Variants in CLPTM1L observed in about 807,000 individuals in gnomAD.
The protein encoded by CLPTM1L is CLPTM1 like.
A neutral mutation model predicts 70.9 loss-of-function variants in CLPTM1L; 38 were observed. The observed-to-expected ratio is 0.54, with a 90% confidence interval of 0.41 to 0.70. The LOEUF is 0.70. Among genes scored for constraint, CLPTM1L ranks in the 30% least tolerant of loss-of-function variants. CLPTM1L has a pLI of 0.00. For synonymous variants in CLPTM1L, 339 were observed against 299.9 expected, an observed-to-expected ratio of 1.13 and a Z score of -1.35; for missense variants, 652 against 705.9, an observed-to-expected ratio of 0.92 and a Z score of 0.87.
intron 7 of CLPTM1L, among the ~76,000 whole-genome samples, chr5:1,332,935 C>T (rs72491340): frequency 1.9e-4 from 27 of 142,778 alleles, no homozygotes; most frequent in Admixed American, 1.7e-3. Flanking sequence ...GGATAAGGGG[C>T]GGACTACTGT....
chr5:1,330,771 T>C, intron 8 of CLPTM1L: 1 of 186,158 alleles, frequency 5.4e-6, no homozygotes, highest in South Asian at 1.5e-4. Context: ...AGCTGTACCT[T>C]AAGAACCACT....
At chr5:1,334,430 C>G (rs1044405389) in intron 6 of CLPTM1L, 47 bp from the exon 7 acceptor site, 2 of 1,296,424 alleles carry the variant, frequency 1.5e-6, no homozygotes, top group Non-Finnish European at 2.2e-6. Context: ...CAATGTCAAT[C>G]TTACCTAACA....
intron 1 of CLPTM1L, 86 bp downstream of exon 1, chr5:1,344,594 G>A (rs1418918596): frequency 3.4e-6 from 5 of 1,487,914 alleles, no homozygotes; most frequent in Non-Finnish European, 4.6e-6. Context: ...CCACAGCTCC[G>A]AACTGGGACG....
chr5:1,323,351 C>T (rs898471945), intron 12 of CLPTM1L, among the ~76,000 whole-genome samples: 2 of 129,362 alleles, frequency 1.5e-5, no homozygotes, highest in Admixed American at 7.8e-5. Flanking sequence ...AGGCTGGGGG[C>T]TCCGGGATCC....
intron 7 of CLPTM1L, among the ~76,000 whole-genome samples, chr5:1,333,496 GGA>G: frequency 7.1e-6 from 1 of 140,718 alleles, no homozygotes; most frequent in East Asian, 2.1e-4. Flanking sequence ...CACCAGATGA[GGA>G]TAAGGGGGGA....
Position 1,341,716 on chromosome 5 carries a change from G to A in CLPTM1L, c.408C>T (p.Pro136=), listed in dbSNP as rs767222771. The A allele has an allele frequency of 6.2e-7, 1 of 1,613,596 alleles. No individual in the cohort carries two copies. The highest frequency in any genetic ancestry group is 8.5e-7 in the Non-Finnish European group (1 of 1,179,654). ...LVSPLTTYMV[P]KPEEINLLTG... is the part of the protein sequence containing the mutation. ...TGAGCAGGTTGATTTCTTCTGGCTT[G>A]GGGACCATGTAGGTGGTCAGAGGAC... Residue 136 remains proline, a synonymous_variant, in exon 3 of 17, where the codon CCC becomes CCT. Transcript: ENST00000320895.
At chr5:1,320,087 C>T (rs1283050673) in intron 16 of CLPTM1L, 1 of 152,326 alleles carries the variant, frequency 6.6e-6, no homozygotes, top group East Asian at 1.9e-4. Context: ...AAGCCTTTTC[C>T]TCAGCCGTCA....
At chr5:1,335,365 C>A (rs1261519409) in intron 5 of CLPTM1L, among the ~76,000 whole-genome samples, 191 bp from the exon 6 acceptor site, 1 of 152,200 alleles carries the variant, frequency 6.6e-6, no homozygotes, top group African/African-American at 2.4e-5. Flanking sequence ...GTGCTGCGTT[C>A]CAGCACAGGG....
At chr5:1,339,121 G>A (rs951140962) in intron 3 of CLPTM1L, 116 bp from the exon 4 acceptor site, 320 of 1,211,600 alleles carry the variant, frequency 2.6e-4, no homozygotes, top group Middle Eastern at 3.9e-4. Context: ...AACTGTGCCC[G>A]GGACAGCAGG....
At chr5:1,324,080 G>C in intron 11 of CLPTM1L, 1 of 571,382 alleles carries the variant, frequency 1.8e-6, no homozygotes, top group Non-Finnish European at 3.1e-6. Flanking sequence ...CCAGAGCCCG[G>C]GTGTAACTAC....
chr5:1,343,115 C>T (rs899243291), intron 2 of CLPTM1L, among the ~76,000 whole-genome samples: 2 of 151,930 alleles, frequency 1.3e-5, no homozygotes, highest in Middle Eastern at 3.2e-3. Flanking sequence ...CCCTTGAACC[C>T]GGGAACCGGA....
intron 8 of CLPTM1L, 154 bp downstream of exon 8, chr5:1,331,645 T>C (rs966438736): frequency 9.1e-6 from 6 of 660,890 alleles, no homozygotes; most frequent in Non-Finnish European, 1.6e-5. Context: ...CTCCCTGGGC[T>C]TTACGGTGCC....
intron 7 of CLPTM1L, among the ~76,000 whole-genome samples, chr5:1,333,054 G>A (rs71595032): frequency 1.7e-3 from 139 of 81,160 alleles, no homozygotes; most frequent in African/African-American, 4.6e-3. Flanking sequence ...TATACACACC[G>A]GATGAGGATA....
chr5:1,326,661 C>T lies in CLPTM1L; in HGVS notation c.1081-845G>A, dbSNP rs1260766519. 3.3e-5 allele frequency among the ~76,000 whole-genome samples: 5 copies of T among 152,200 alleles called. No individual in the cohort carries two copies. In the East Asian group the frequency reaches 7.8e-4, roughly 24 times the overall value. On this transcript the variant is annotated intron_variant, in intron 9 of 16. Coordinates refer to ENST00000320895, the MANE Select transcript of CLPTM1L (RefSeq NM_030782.5). The stretch of plus-strand genomic sequence containing the variant: ...TCTACAGACACATTTCATCCAGCTC[C>T]TCCTCTACGGGGACATTCCATCCAG...
chr5:1,338,760 G>A (rs1347137924), intron 4 of CLPTM1L, 100 bp downstream of exon 4: 9 of 1,421,870 alleles, frequency 6.3e-6, no homozygotes, highest in Admixed American at 3.9e-5. Flanking sequence ...CCTCCCCACA[G>A]AGGGGACTCC....
intron 4 of CLPTM1L, 65 bp downstream of exon 4, chr5:1,338,795 G>A (rs1252941478): frequency 1.1e-5 from 18 of 1,593,914 alleles, no homozygotes; most frequent in Admixed American, 1.7e-5. Flanking sequence ...ACCTGCTGGC[G>A]AGTTCTGGCC....
At position 1,338,404 on chromosome 5, in the gene CLPTM1L, G is replaced by A. The variant is rs1390294809; in HGVS notation, c.600-422C>T. On this transcript the variant is annotated intron_variant, in intron 4 of 16. Coordinates refer to ENST00000320895, the MANE Select transcript of CLPTM1L (RefSeq NM_030782.5). ...CCTGGGAGGCGGAGCTGTGGCGCAG[G>A]AGTTGGGGGGGGGATCCCCAACACA... 1.2e-5 allele frequency: 3 copies of A among 254,736 alleles called. No individual in the cohort carries two copies. In the Admixed American group the frequency reaches 1.6e-4, roughly 13 times the overall value. 15.8% of individuals were successfully genotyped at this position (254,736 alleles called of 1,614,324 possible).
Position 1,341,950 on chromosome 5 carries a change from A to T in CLPTM1L, c.264-90T>A, listed in dbSNP as rs542798549. On this transcript the variant is annotated intron_variant, in intron 2 of 16. Coordinates refer to ENST00000320895, the MANE Select transcript of CLPTM1L (RefSeq NM_030782.5). The stretch of plus-strand genomic sequence containing the variant: ...ATACCTTTATAAAGCTGCTTCAATA[A>T]ACTAATTTTAGCTCAGAAGTACTAA... 116 of 1,063,280 alleles carry T rather than the reference A, an allele frequency of 1.1e-4. No individual in the cohort carries two copies. In the Middle Eastern group the frequency reaches 1.4e-3, roughly 13 times the overall value. 65.9% of individuals were successfully genotyped at this position (1,063,280 alleles called of 1,614,324 possible).
At position 1,341,767 on chromosome 5, in the gene CLPTM1L, G is replaced by A. The variant is rs1386239024; in HGVS notation, c.357C>T (p.His119=). Residue 119 remains histidine, a synonymous_variant, in exon 3 of 17, where the codon CAC becomes CAT. Coordinates refer to ENST00000320895, the MANE Select transcript of CLPTM1L (RefSeq NM_030782.5). ...FLHHAGVLPW[H]DGKQVHLVSP... The stretch of plus-strand genomic sequence containing the variant: ...TGACCAGGTGCACCTGCTTCCCGTC[G>A]TGCCACGGCAGGACCCCAGCGTGAT... 10 of 1,613,928 alleles carry A rather than the reference G, an allele frequency of 6.2e-6. No individual in the cohort carries two copies. The highest frequency in any genetic ancestry group is 1.1e-5 in the South Asian group (1 of 91,092).
Sources: gnomAD v4.1 joint callset for allele counts (sites outside exome capture counted in the v4.1 genomes callset) on GRCh38, gnomAD v4.1.1 for gene constraint, MANE v1.5 for transcripts, NCBI Gene and HGNC (gene_info 2026-07-23, HGNC 2026-07-21) for gene names.